CALHM5: variants seen among roughly 807,000 people sequenced by gnomAD.
CALHM5 encodes calcium homeostasis modulator family member 5.
Under a neutral mutation model 20.9 loss-of-function variants are expected in CALHM5, and 17 were observed. The ratio of observed to expected loss-of-function variants is 0.82; its 90% CI spans 0.56 to 1.22. CALHM5 has a LOEUF of 1.22. CALHM5 is among the 50% of genes most tolerant of loss of function. The pLI, the probability that CALHM5 is intolerant of heterozygous loss-of-function variation, is 0.00. For missense variants in CALHM5, 360 were observed against 364.6 expected (o/e 0.99, Z 0.10); for synonymous variants, 148 against 140.0 (o/e 1.06, Z -0.40).
In CALHM5 at chr6:116,523,382, C is replaced by A. The variant is rs1177606480; in HGVS notation, c.*7393C>A. Reference sequence around the variant, plus strand: ...TCTTTGTTCCTGTTGTAAATGGTTTCTTTTTTCCACTATATCTTTCTAAGT... The same window carrying A: ...TCTTTGTTCCTGTTGTAAATGGTTTATTTTTTCCACTATATCTTTCTAAGT... On this transcript the variant is annotated 3_prime_UTR_variant, in exon 2 of 2. Transcript: ENST00000368599. 1.3e-5 allele frequency: 2 copies of A among 152,058 alleles called. No individual in the cohort carries two copies. Among genetic ancestry groups the A allele is most frequent in the African/African-American group, 4.8e-5 (2 of 41,408 alleles). 9.4% of individuals were successfully genotyped at this position (152,058 alleles called of 1,614,324 possible). A position where few individuals can be genotyped will look rare whatever the true frequency, so the allele number is the denominator to read the frequency against.
chr6:116,520,860 T>C lies in CALHM5; in HGVS notation c.*4871T>C, dbSNP rs1450976914. 6.6e-6 allele frequency: 1 copy of C among 152,076 alleles called. No homozygotes were observed. The highest frequency in any genetic ancestry group is 2.4e-5 in the African/African-American group (1 of 41,426). The allele number at this position is 152,076 out of a possible 1,614,324, so 9.4% of individuals were successfully genotyped here. ...CATCCTAATATGATGTATTTGCCAA[T>C]ATACCATGGGTTTTCTTGGGCTGGG... On this transcript the variant is annotated 3_prime_UTR_variant, in exon 2 of 2. Coordinates refer to ENST00000368599, the MANE Select transcript of CALHM5 (RefSeq NM_153711.5).
rs180940600 is a variant in CALHM5 at position 116,520,795 on chromosome 6, T to C, written c.*4806T>C. 1.2e-4 allele frequency: 19 copies of C among 152,386 alleles called. No individual in the cohort carries two copies. Among genetic ancestry groups the C allele is most frequent in the Admixed American group, 9.8e-4 (15 of 15,290 alleles). 9.4% of individuals were successfully genotyped at this position (152,386 alleles called of 1,614,324 possible). ...TATCTGGATTTCAAACAGTAGAGTA[T>C]GATAAAAATTTAAAAACTGGCTCTC... is the stretch of plus-strand genomic sequence containing the variant. On this transcript the variant is annotated 3_prime_UTR_variant, in exon 2 of 2. Coordinates refer to ENST00000368599, the MANE Select transcript of CALHM5 (RefSeq NM_153711.5).
intron 1 of CALHM5, 84 bp downstream of exon 1, chr6:116,512,320 G>T: frequency 7.2e-7 from 1 of 1,393,316 alleles, no homozygotes; most frequent in Non-Finnish European, 9.7e-7. Flanking sequence ...GGCTGTCTGT[G>T]TCCTGTCAGA....
rs1194688987 is a variant in CALHM5 at position 116,518,797 on chromosome 6, T to A, written c.*2808T>A. 1 of 152,142 alleles carries A rather than the reference T, an allele frequency of 6.6e-6. No homozygotes were observed. Among genetic ancestry groups the A allele is most frequent in the African/African-American group, 2.4e-5 (1 of 41,430 alleles). 9.4% of individuals were successfully genotyped at this position (152,142 alleles called of 1,614,324 possible). ...TCTGCACTCAAAAAACTTACGCTCA[T>A]GACAATGACTGCCTCATTCAAGAAA... On this transcript the variant is annotated 3_prime_UTR_variant, in exon 2 of 2. Coordinates refer to ENST00000368599, the MANE Select transcript of CALHM5 (RefSeq NM_153711.5).
rs1182897654 is a variant in CALHM5, at chr6:116,524,786, C to A, written c.*8797C>A. ...TTCAATAAAAAAGTTGGAAAATTTT[C>A]AACTTATTTTCCTTTCTGTGCTATA... On this transcript the variant is annotated 3_prime_UTR_variant, in exon 2 of 2. Transcript: ENST00000368599. 6.6e-6 allele frequency: 1 copy of A among 152,006 alleles called. No homozygotes were observed. Among genetic ancestry groups the A allele is most frequent in the African/African-American group, 2.4e-5 (1 of 41,402 alleles). 9.4% of individuals were successfully genotyped at this position (152,006 alleles called of 1,614,324 possible).
rs938380135 is a variant in CALHM5, at chr6:116,519,760, A to T, written c.*3771A>T. 17 of 152,232 alleles carry T rather than the reference A, an allele frequency of 1.1e-4. No individual in the cohort carries two copies. Among genetic ancestry groups the T allele is most frequent in the African/African-American group, 4.1e-4 (17 of 41,466 alleles). 9.4% of individuals were successfully genotyped at this position (152,232 alleles called of 1,614,324 possible). On this transcript the variant is annotated 3_prime_UTR_variant, in exon 2 of 2. Transcript: ENST00000368599. Reference sequence around the variant, plus strand: ...TGATGCTTTCCCATACAAGGAATATACTCAAGGAAAAATTTCATGGCACAA... The same window carrying T: ...TGATGCTTTCCCATACAAGGAATATTCTCAAGGAAAAATTTCATGGCACAA...
chr6:116,515,655 G>A lies in CALHM5; in HGVS notation c.596G>A (p.Cys199Tyr). The A allele has an allele frequency of 1.2e-6, 2 of 1,613,978 alleles. No individual in the cohort carries two copies. The highest frequency in any genetic ancestry group is 1.7e-6 in the Non-Finnish European group (2 of 1,179,924). ...SASFFSLLTT[C>Y]YARCRSKVSY... Reference sequence around the variant, plus strand: ...TCTTTCTTCTCTCTGCTCACCACATGTTATGCTCGCTGCCGATCTAAAGTT... The same window carrying A: ...TCTTTCTTCTCTCTGCTCACCACATATTATGCTCGCTGCCGATCTAAAGTT... Residue 199 changes from cysteine to tyrosine, a missense_variant, in exon 2 of 2, where the codon TGT becomes TAT. Cys to Tyr is a radical substitution (Grantham distance 194). Transcript: ENST00000368599.
rs1772295127 is a variant in CALHM5 at position 116,519,715 on chromosome 6, G to A, written c.*3726G>A. On this transcript the variant is annotated 3_prime_UTR_variant, in exon 2 of 2. Transcript: ENST00000368599. ...TATTACATAAGAGAAAAGGATTGGA[G>A]AATGCTCTTGAAAAGAATGTGATGC... 4.6e-5 allele frequency: 7 copies of A among 152,164 alleles called. No homozygotes were observed. Among genetic ancestry groups the A allele is most frequent in the Admixed American group, 3.9e-4 (6 of 15,282 alleles). The allele number at this position is 152,164 out of a possible 1,614,324, so 9.4% of individuals were successfully genotyped here.
Position 116,516,703 on chromosome 6 carries a change from A to G in CALHM5, c.*714A>G, listed in dbSNP as rs1333689025. 2.0e-5 allele frequency: 2 copies of G among 98,458 alleles called. No homozygotes were observed. The highest frequency in any genetic ancestry group is 4.9e-5 in the Non-Finnish European group (2 of 40,650). 6.1% of individuals were successfully genotyped at this position (98,458 alleles called of 1,614,324 possible). On this transcript the variant is annotated 3_prime_UTR_variant, in exon 2 of 2. Transcript: ENST00000368599. ...TATATATATATATATATATATATAT[A>G]TATATACACACACACAGAAATATAT...
chr6:116,522,378 G>C lies in CALHM5; in HGVS notation c.*6389G>C, dbSNP rs1238498831. 6.6e-6 allele frequency: 1 copy of C among 152,188 alleles called. No individual in the cohort carries two copies. The highest frequency in any genetic ancestry group is 1.5e-5 in the Non-Finnish European group (1 of 68,040). 9.4% of individuals were successfully genotyped at this position (152,188 alleles called of 1,614,324 possible). ...AATTTTGGGGCAATATGAAGCGACA[G>C]AACCTGAACACTAACATGAAAATCA... is the stretch of plus-strand genomic sequence containing the variant. On this transcript the variant is annotated 3_prime_UTR_variant, in exon 2 of 2. Transcript: ENST00000368599.
At position 116,523,145 on chromosome 6, in the gene CALHM5, G is replaced by C. The variant is rs959406613; in HGVS notation, c.*7156G>C. ...TACAGCACAGAGCAGGCTATTCTGG[G>C]GAAGGCAGGCTGTAAGAAACTCAGA... On this transcript the variant is annotated 3_prime_UTR_variant, in exon 2 of 2. Coordinates refer to ENST00000368599, the MANE Select transcript of CALHM5 (RefSeq NM_153711.5). 6.6e-6 allele frequency: 1 copy of C among 151,790 alleles called. No individual in the cohort carries two copies. The highest frequency in any genetic ancestry group is 1.5e-5 in the Non-Finnish European group (1 of 68,000). The allele number at this position is 151,790 out of a possible 1,614,324, so 9.4% of individuals were successfully genotyped here.
At chr6:116,514,237 A>G (rs1000378580) in intron 1 of CALHM5, among the ~76,000 whole-genome samples, 5 of 152,200 alleles carry the variant, frequency 3.3e-5, no homozygotes, top group Non-Finnish European at 7.3e-5. Context: ...GGAATAGTTT[A>G]TAATTCAGCT....
chr6:116,512,287 C>A, intron 1 of CALHM5, 51 bp downstream of exon 1: 1 of 1,522,548 alleles, frequency 6.6e-7, no homozygotes, highest in South Asian at 1.2e-5. Context: ...TCGAAGTATT[C>A]TCTCTGTGCT....
In CALHM5 at chr6:116,520,820, C is replaced by T. The variant is rs1772318963; in HGVS notation, c.*4831C>T. The T allele has an allele frequency of 6.6e-6, 1 of 151,782 alleles. No individual in the cohort carries two copies. The highest frequency in any genetic ancestry group is 1.5e-5 in the Non-Finnish European group (1 of 67,954). 9.4% of individuals were successfully genotyped at this position (151,782 alleles called of 1,614,324 possible). A position where few individuals can be genotyped will look rare whatever the true frequency, so the allele number is the denominator to read the frequency against. On this transcript the variant is annotated 3_prime_UTR_variant, in exon 2 of 2. Transcript: ENST00000368599. The stretch of plus-strand genomic sequence containing the variant: ...TGATAAAAATTTAAAAACTGGCTCT[C>T]CAGGAAAAAAGAGACATCCTAATAT...
At position 116,511,835 on chromosome 6, in the gene CALHM5, A is replaced by C. The variant is rs773633418; in HGVS notation, c.139A>C (p.Asn47His). 2 of 1,614,060 alleles carry C rather than the reference A, an allele frequency of 1.2e-6. No homozygotes were observed. The highest frequency in any genetic ancestry group is 8.5e-7 in the Non-Finnish European group (1 of 1,179,992). Reference sequence around the variant, plus strand: ...TTTTAAGTGCCCCTGCAGCACTGAGAATATGACCTATGGGCTGGTTTTCCT... The same window carrying C: ...TTTTAAGTGCCCCTGCAGCACTGAGCATATGACCTATGGGCTGGTTTTCCT... ...VAFKCPCSTE[N>H]MTYGLVFLFA... Residue 47 changes from asparagine to histidine, a missense_variant, in exon 1 of 2, where the codon AAT becomes CAT. Physicochemically the swap from Asn to His is moderately conservative, Grantham distance 68. Transcript: ENST00000368599.
Position 116,523,712 on chromosome 6 carries a change from G to A in CALHM5, c.*7723G>A, listed in dbSNP as rs767212821. 4.6e-5 allele frequency: 7 copies of A among 152,120 alleles called. No homozygotes were observed. Among genetic ancestry groups the A allele is most frequent in the Non-Finnish European group, 1.0e-4 (7 of 68,020 alleles). The allele number at this position is 152,120 out of a possible 1,614,324, so 9.4% of individuals were successfully genotyped here. The stretch of plus-strand genomic sequence containing the variant: ...TACATAGTATCACATGTGAAATATT[G>A]TTTCCTAAGAAGCTAAACCTAATCA... On this transcript the variant is annotated 3_prime_UTR_variant, in exon 2 of 2. Coordinates refer to ENST00000368599, the MANE Select transcript of CALHM5 (RefSeq NM_153711.5).
rs1282163066 is a variant in CALHM5, at chr6:116,523,458, A to ATCTCTCTACTAAT, written c.*7473_*7485dup. On this transcript the variant is annotated 3_prime_UTR_variant, in exon 2 of 2. Coordinates refer to ENST00000368599, the MANE Select transcript of CALHM5 (RefSeq NM_153711.5). ...CTATTGTCTTATGCTTATTAATTTT[A>ATCTCTCTACTAAT]TCTCTCTACTAATTCTTTTATTGTT... 6.6e-6 allele frequency: 1 copy of ATCTCTCTACTAAT among 152,160 alleles called. No individual in the cohort carries two copies. Among genetic ancestry groups the ATCTCTCTACTAAT allele is most frequent in the East Asian group, 1.9e-4 (1 of 5,200 alleles). The allele number at this position is 152,160 out of a possible 1,614,324, so 9.4% of individuals were successfully genotyped here.
At position 116,511,931 on chromosome 6, in the gene CALHM5, G is replaced by A. The variant is rs1266047686; in HGVS notation, c.235G>A (p.Gly79Ser). The A allele has an allele frequency of 3.7e-6, 6 of 1,613,876 alleles. No individual in the cohort carries two copies. The highest frequency in any genetic ancestry group is 5.1e-6 in the Non-Finnish European group (6 of 1,180,002). ...LNNRSWRLFT[G>S]CCVNPRKIFP... ...CAATAGGTCGTGGAGACTCTTCACA[G>A]GCTGCTGTGTGAATCCCAGGAAAAT... Residue 79 changes from glycine (G) to serine (S), a missense_variant, in exon 1 of 2, where the codon GGC (glycine) becomes AGC (serine). Physicochemically the swap from Gly to Ser is moderately conservative, Grantham distance 56. Transcript: ENST00000368599.
chr6:116,520,746 G>A lies in CALHM5; in HGVS notation c.*4757G>A, dbSNP rs566879788. 2.0e-5 allele frequency: 3 copies of A among 152,622 alleles called. No individual in the cohort carries two copies. In the South Asian group the frequency reaches 6.2e-4, roughly 32 times the overall value. 9.5% of individuals were successfully genotyped at this position (152,622 alleles called of 1,614,324 possible). ...GAGTCAGTGAAGGTGGTGAGGGGCT[G>A]TGAGGTTGAAATATTGGAAATGTTA... On this transcript the variant is annotated 3_prime_UTR_variant, in exon 2 of 2. Coordinates refer to ENST00000368599, the MANE Select transcript of CALHM5 (RefSeq NM_153711.5).
Sources: gnomAD v4.1 joint callset for allele counts (sites outside exome capture counted in the v4.1 genomes callset) on GRCh38, gnomAD v4.1.1 for gene constraint, MANE v1.5 for transcripts, NCBI Gene and HGNC (gene_info 2026-07-23, HGNC 2026-07-21) for gene names.